DLG5: variants seen among roughly 807,000 people sequenced by gnomAD.
DLG5 encodes the protein discs large MAGUK scaffold protein 5, also known as disks large homolog 5.
A neutral mutation model predicts 189.8 loss-of-function variants in DLG5; 48 were observed. That is an observed-to-expected ratio of 0.25 (90% CI 0.20 to 0.32). The LOEUF (loss-of-function observed/expected upper bound fraction) is 0.32, where lower values mean the gene tolerates loss of function less well. Among genes scored for constraint, DLG5 ranks in the 10% least tolerant of loss-of-function variants. The pLI, the probability that DLG5 is intolerant of heterozygous loss-of-function variation, is 1.00. For missense variants in DLG5, 2,160 were observed against 2,544.7 expected, an observed-to-expected ratio of 0.85 and a Z score of 3.25; for synonymous variants, 1,016 against 1,054.1, an observed-to-expected ratio of 0.96 and a Z score of 0.70.
At chr10:77,884,371 T>C (rs1845374063) in intron 1 of DLG5, among the ~76,000 whole-genome samples, 1 of 152,192 alleles carries the variant, frequency 6.6e-6, no homozygotes, top group African/African-American at 2.4e-5. Context: ...AGAGCAGCCA[T>C]GCATCACACC....
At chr10:77,933,343 A>G in the DLG5 span, among the ~76,000 whole-genome samples, 1 of 151,586 alleles carries the variant, frequency 6.6e-6, no homozygotes, top group African/African-American at 2.4e-5. Flanking sequence ...CTGGAGTGCA[A>G]TGGCGTGATC....
At chr10:77,815,912 G>A (rs570663932) in intron 20 of DLG5, 36 of 361,702 alleles carry the variant, frequency 1.0e-4, no homozygotes, top group Middle Eastern at 1.0e-3. Context: ...CGGGGGTGAC[G>A]GATTCCATGG....
intron 29 of DLG5, among the ~76,000 whole-genome samples, chr10:77,795,512 G>A (rs571070594): frequency 2.0e-5 from 3 of 152,220 alleles, no homozygotes; most frequent in Admixed American, 6.5e-5. Flanking sequence ...CCCAGCGAGC[G>A]AGCTGAGCAG....
chr10:77,796,668 C>A lies in DLG5; in HGVS notation c.5165-74G>T. 2 of 1,580,222 alleles carry A rather than the reference C, an allele frequency of 1.3e-6. No individual in the cohort carries two copies. Among genetic ancestry groups the A allele is most frequent in the Non-Finnish European group, 1.7e-6 (2 of 1,157,766 alleles). The stretch of plus-strand genomic sequence containing the variant: ...ACCTGAGTGGGGCTGGGGAACCCCG[C>A]TCCCTGACCTCGCCCACTCTGGTTT... On this transcript the variant is annotated intron_variant, in intron 27 of 31. Coordinates refer to ENST00000372391, the MANE Select transcript of DLG5 (RefSeq NM_004747.4). This position sits in a 1 kb window ranked among gnomAD's most constrained non-coding sequence, Gnocchi z 5.2.
intron 1 of DLG5, among the ~76,000 whole-genome samples, chr10:77,922,970 T>TCCTTCCAGTTC (rs1249311343): frequency 6.6e-6 from 1 of 152,200 alleles, no homozygotes; most frequent in Non-Finnish European, 1.5e-5. Flanking sequence ...CTCCCCAGTT[T>TCCTTCCAGTTC]CCTTCCAGTT....
At chr10:77,901,758 G>C (rs1845934261) in intron 1 of DLG5, among the ~76,000 whole-genome samples, 1 of 152,220 alleles carries the variant, frequency 6.6e-6, no homozygotes, top group African/African-American at 2.4e-5. Context: ...GTGGGCCTGA[G>C]CCAACAGCAC....
chr10:77,827,149 T>C (rs956718152), intron 13 of DLG5, among the ~76,000 whole-genome samples: 1 of 152,188 alleles, frequency 6.6e-6, no homozygotes, highest in Non-Finnish European at 1.5e-5. Context: ...AGAGGAAGAT[T>C]TGTTGTCACG....
Position 77,926,099 on chromosome 10 carries a change from C to T in DLG5, c.304+118G>A. The T allele has an allele frequency of 2.7e-6, 3 of 1,098,942 alleles. No individual in the cohort carries two copies. Among genetic ancestry groups the T allele is most frequent in the Non-Finnish European group, 3.5e-6 (3 of 847,848 alleles). 68.1% of individuals were successfully genotyped at this position (1,098,942 alleles called of 1,614,324 possible). A position where few individuals can be genotyped will look rare whatever the true frequency, so the allele number is the denominator to read the frequency against. ...CGCCTCCCCAACTGGGCCAGAGGAG[C>T]GAGTCCACCGAGGCCATCGCCAGGT... On this transcript the variant is annotated intron_variant, in intron 1 of 31. Transcript: ENST00000372391. The surrounding 1 kb of genome is among the most constrained non-coding windows in gnomAD (Gnocchi z 5.2).
rs1287061800 is a variant in DLG5, at chr10:77,833,943, ATTC to A, written c.1716_1718del (p.Lys572del). 1.9e-6 allele frequency: 3 copies of A among 1,606,594 alleles called. No homozygotes were observed. The highest frequency in any genetic ancestry group is 4.5e-5 in the East Asian group (2 of 44,830). On this transcript the variant is annotated inframe_deletion, in exon 9 of 32. Transcript: ENST00000372391. The stretch of plus-strand genomic sequence containing the variant: ...GCTCCTTCAGCTCGCGGCTGACATC[ATTC>A]TTCTGCTTGCGGGTGTCATCCAGGC...
chr10:77,797,498 T>A (rs1413994814), intron 27 of DLG5, among the ~76,000 whole-genome samples: 1 of 152,214 alleles, frequency 6.6e-6, no homozygotes, highest in East Asian at 1.9e-4. Context: ...TGCCTGGCAA[T>A]TCCAGGAGCG....
At chr10:77,912,751 C>A (rs1476659255) in intron 1 of DLG5, among the ~76,000 whole-genome samples, 5 of 152,188 alleles carry the variant, frequency 3.3e-5, no homozygotes, top group African/African-American at 1.2e-4. Flanking sequence ...GACAAGAGTA[C>A]CCAGTGAAAA....
At chr10:77,823,014 T>G (rs1842444646) in intron 14 of DLG5, among the ~76,000 whole-genome samples, 1 of 152,218 alleles carries the variant, frequency 6.6e-6, no homozygotes, top group Non-Finnish European at 1.5e-5. Flanking sequence ...GCATCAAAAC[T>G]CACAGAAAAT....
At chr10:77,829,772 C>T (rs1031077352) in intron 11 of DLG5, among the ~76,000 whole-genome samples, 6 of 152,140 alleles carry the variant, frequency 3.9e-5, no homozygotes, top group Admixed American at 2.6e-4. Flanking sequence ...CAGGCCTCAG[C>T]GTCTTCATAT....
chr10:77,810,272 G>GA (rs879287471), intron 23 of DLG5, among the ~76,000 whole-genome samples: 33 of 152,362 alleles, frequency 2.2e-4, no homozygotes, highest in Admixed American at 7.8e-4. Flanking sequence ...GACAGCGATG[G>GA]AAACAGATAC....
intron 1 of DLG5, among the ~76,000 whole-genome samples, chr10:77,900,575 G>A (rs2154577855): frequency 6.6e-6 from 1 of 152,112 alleles, no homozygotes; most frequent in African/African-American, 2.4e-5. Flanking sequence ...CAAGGCGGGT[G>A]GATCACTTGA....
intron 30 of DLG5, 45 bp downstream of exon 30, chr10:77,794,804 A>T (rs1194554311): frequency 6.5e-7 from 1 of 1,547,094 alleles, no homozygotes; most frequent in Non-Finnish European, 8.9e-7. Flanking sequence ...TCCCAGCCCC[A>T]CCTGTGACAA....
chr10:77,866,400 C>T (rs1418255828), intron 2 of DLG5, among the ~76,000 whole-genome samples: 2 of 152,172 alleles, frequency 1.3e-5, no homozygotes, highest in African/African-American at 4.8e-5. Flanking sequence ...AGCGACCAGG[C>T]TTTGTGAGCC....
At chr10:77,838,899 G>T (rs1843280626) in intron 7 of DLG5, among the ~76,000 whole-genome samples, 1 of 152,254 alleles carries the variant, frequency 6.6e-6, no homozygotes, top group South Asian at 2.1e-4. Flanking sequence ...GAGGATTTCA[G>T]CTCTCAGAGC....
Position 77,830,856 on chromosome 10 carries a change from T to C in DLG5, c.1766A>G (p.Gln589Arg). Residue 589 changes from glutamine to arginine, a missense_variant, in exon 10 of 32, where the codon CAG becomes CGG. Physicochemically the swap from Gln to Arg is conservative, Grantham distance 43. Transcript: ENST00000372391. ...LKELKEQMES[Q>R]LEKEARFRQL... is the part of the protein sequence containing the mutation. ...TCGGAACCGGGCCTCCTTTTCCAAC[T>C]GGGATTCCATCTGTTCCCTGTGAAC... 1 of 1,614,096 alleles carries C rather than the reference T, an allele frequency of 6.2e-7. No individual in the cohort carries two copies. The highest frequency in any genetic ancestry group is 8.5e-7 in the Non-Finnish European group (1 of 1,179,994).
Sources: allele counts gnomAD v4.1 joint callset (sites outside exome capture counted in the v4.1 genomes callset), GRCh38; gene constraint gnomAD v4.1.1; non-coding constraint Gnocchi (gnomAD v3.1); transcripts MANE v1.5; gene names NCBI Gene and HGNC (gene_info 2026-07-23, HGNC 2026-07-21).